Variants in FMN2 observed in about 807,000 individuals in gnomAD.
FMN2 encodes the protein formin-2.
A neutral mutation model predicts 142.3 loss-of-function variants in FMN2; 51 were observed. That is an observed-to-expected ratio of 0.36 (90% confidence interval 0.29 to 0.45). The LOEUF is 0.45. Among genes scored for constraint, FMN2 ranks in the 20% least tolerant of loss-of-function variants. FMN2 has a pLI of 1.00. For missense variants in FMN2, 1,936 were observed against 2,122.8 expected (o/e 0.91, Z 1.73); for synonymous variants, 882 against 869.8 (o/e 1.01, Z -0.25).
At chr1:240,100,406 C>G (rs1392092231) in intron 1 of FMN2, among the ~76,000 whole-genome samples, 1 of 152,168 alleles carries the variant, frequency 6.6e-6, no homozygotes, top group Non-Finnish European at 1.5e-5. Context: ...CAAAAATGTA[C>G]TGCCTGTGAC....
chr1:240,430,234 G>A (rs1675116096), intron 15 of FMN2, among the ~76,000 whole-genome samples: 1 of 151,930 alleles, frequency 6.6e-6, no homozygotes, highest in South Asian at 2.1e-4. Flanking sequence ...ATTTCCCTTG[G>A]AATTAATAGG....
At chr1:240,404,594 C>T (rs1010690159) in intron 15 of FMN2, among the ~76,000 whole-genome samples, 2 of 152,200 alleles carry the variant, frequency 1.3e-5, no homozygotes, top group Non-Finnish European at 2.9e-5. Flanking sequence ...TGTCTGGAGG[C>T]CCAGCAGAGC....
At chr1:240,388,200 ACTAGG>A (rs1558466051) in intron 14 of FMN2, among the ~76,000 whole-genome samples, 1 of 80,528 alleles carries the variant, frequency 1.2e-5, no homozygotes, top group African/African-American at 4.5e-5. Flanking sequence ...AAAAAAAAAG[ACTAGG>A]AAAAAAACGT....
intron 8 of FMN2, among the ~76,000 whole-genome samples, chr1:240,309,615 C>T (rs557023880): frequency 6.6e-6 from 1 of 152,276 alleles, no homozygotes; most frequent in South Asian, 2.1e-4. Context: ...TATACACCCA[C>T]ACCGCTGACC....
At chr1:240,274,026 G>T (rs962920381) in intron 7 of FMN2, among the ~76,000 whole-genome samples, 2 of 152,014 alleles carry the variant, frequency 1.3e-5, no homozygotes, top group Non-Finnish European at 1.5e-5. Context: ...GCCATAATTC[G>T]TTCACTCCTA....
intron 6 of FMN2, among the ~76,000 whole-genome samples, chr1:240,236,214 G>C (rs1667704832): frequency 6.6e-6 from 1 of 152,102 alleles, no homozygotes. Flanking sequence ...TTGGTAGAAA[G>C]GTGATTTCCT....
rs114804523 is a variant in FMN2, at chr1:240,373,314, G to T, written c.4858+17406G>T. Among the ~76,000 whole-genome samples, 994 of 152,224 alleles carry T rather than the reference G, an allele frequency of 6.5e-3. 6 individuals carry two copies. Among genetic ancestry groups the T allele is most frequent in the African/African-American group, 0.022 (918 of 41,520 alleles). On this transcript the variant is annotated intron_variant, in intron 14 of 17. Coordinates refer to ENST00000319653, the MANE Select transcript of FMN2 (RefSeq NM_020066.5). ...CAGGGTGGTGGTTGCTGAATATTGG[G>T]GTAGCTGTGGCAGTTTCTGAAAATA...
chr1:240,182,406 A>C (rs993021700), intron 3 of FMN2, among the ~76,000 whole-genome samples: 1 of 152,180 alleles, frequency 6.6e-6, no homozygotes, highest in Non-Finnish European at 1.5e-5. Context: ...TCCTAGAAGA[A>C]AATATATGGA....
At chr1:240,323,905 A>G (rs377342166) in intron 8 of FMN2, among the ~76,000 whole-genome samples, 23 of 152,180 alleles carry the variant, frequency 1.5e-4, no homozygotes, top group South Asian at 6.2e-4. Flanking sequence ...CTGATTCCCA[A>G]TGGTATCTTT....
chr1:240,397,745 G>A (rs1283421737), intron 15 of FMN2, among the ~76,000 whole-genome samples: 4 of 128,888 alleles, frequency 3.1e-5, no homozygotes, highest in East Asian at 5.1e-4. Context: ...AGCCAAGATC[G>A]CACTGCTGCA....
intron 6 of FMN2, among the ~76,000 whole-genome samples, chr1:240,244,657 C>T (rs1668020494): frequency 6.6e-6 from 1 of 152,184 alleles, no homozygotes; most frequent in Non-Finnish European, 1.5e-5. Context: ...TATTCAAATA[C>T]TTCCTTTTCA....
At chr1:240,150,829 C>T (rs1000166638) in intron 2 of FMN2, among the ~76,000 whole-genome samples, 5 of 152,210 alleles carry the variant, frequency 3.3e-5, no homozygotes, top group Admixed American at 6.5e-5. Context: ...TCTGAAATGC[C>T]TGCTCTTAAC....
chr1:240,285,219 G>A (rs567933174), intron 7 of FMN2: 1 of 455,560 alleles, frequency 2.2e-6, no homozygotes, highest in East Asian at 7.0e-5. Flanking sequence ...TCATATTCTG[G>A]ATGTGTTTGG....
chr1:240,203,569 A>G (rs1666211626), intron 4 of FMN2, among the ~76,000 whole-genome samples: 1 of 152,186 alleles, frequency 6.6e-6, no homozygotes, highest in African/African-American at 2.4e-5. Flanking sequence ...CAGAAAATCA[A>G]ACACCACATG....
At chr1:240,149,331 G>T (rs1163056426) in intron 2 of FMN2, among the ~76,000 whole-genome samples, 2 of 152,084 alleles carry the variant, frequency 1.3e-5, no homozygotes, top group African/African-American at 2.4e-5. Context: ...ATTTTTATCT[G>T]CCTTTATCAC....
At chr1:240,331,381 A>G (rs1024634186) in intron 11 of FMN2, among the ~76,000 whole-genome samples, 1 of 152,190 alleles carries the variant, frequency 6.6e-6, no homozygotes, top group Non-Finnish European at 1.5e-5. Context: ...CAGTAGAAAT[A>G]TGAGGTTAGG....
At chr1:240,418,047 A>T (rs967663973) in intron 15 of FMN2, among the ~76,000 whole-genome samples, 3 of 152,012 alleles carry the variant, frequency 2.0e-5, no homozygotes, top group Non-Finnish European at 4.4e-5. Flanking sequence ...TTCCTGGCAT[A>T]TATTGTCCAT....
chr1:240,215,608 G>C (rs1284797127), intron 6 of FMN2, among the ~76,000 whole-genome samples: 3 of 152,224 alleles, frequency 2.0e-5, no homozygotes, highest in African/African-American at 7.2e-5. Flanking sequence ...GAATTTGAAT[G>C]TGTATTGGTT....
At chr1:240,197,143 G>A (rs1665945181) in intron 4 of FMN2, among the ~76,000 whole-genome samples, 1 of 152,260 alleles carries the variant, frequency 6.6e-6, no homozygotes. Context: ...AGGGGCTGAA[G>A]GTTAAGTTGG....
Sources: allele counts gnomAD v4.1 joint callset (sites outside exome capture counted in the v4.1 genomes callset), GRCh38; gene constraint gnomAD v4.1.1; transcripts MANE v1.5; gene names NCBI Gene and HGNC (gene_info 2026-07-23, HGNC 2026-07-21).